The following SUSD5 variants were observed in gnomAD, a reference collection of about 807,000 sequenced individuals.
SUSD5 encodes the protein sushi domain-containing protein 5.
In SUSD5, 33 loss-of-function variants were observed where a neutral mutation model predicts 29.5. The ratio of observed to expected loss-of-function variants is 1.12; its 90% CI spans 0.85 to 1.49. The LOEUF (loss-of-function observed/expected upper bound fraction) is 1.49. SUSD5 is among the 40% of genes most tolerant of loss of function. SUSD5 has a pLI of 0.00. For synonymous variants in SUSD5, 308 were observed against 325.3 expected (o/e 0.95, Z 0.57); for missense variants, 776 against 800.6 (o/e 0.97, Z 0.37).
In SUSD5 at chr3:33,153,668, C is replaced by A; in HGVS notation, c.964G>T (p.Asp322Tyr). 6.2e-7 allele frequency: 1 copy of A among 1,614,038 alleles called. No homozygotes were observed. Among genetic ancestry groups the A allele is most frequent in the Non-Finnish European group, 8.5e-7 (1 of 1,179,894 alleles). ...DDTKKQFSAG[D>Y]NHSGVKLVPG... ...ACCAATTTTACACCACTGTGGTTGT[C>A]TCCAGCAGAAAACTGCTTTTTGGTG... The change falls in exon 5 of 5, where the codon GAC becomes TAC. Residue 322 changes from aspartate to tyrosine, a missense_variant. Coordinates refer to ENST00000309558, the MANE Select transcript of SUSD5 (RefSeq NM_015551.2).
In SUSD5 at chr3:33,152,625, C is replaced by G; in HGVS notation, c.*117G>C. 5 of 1,185,668 alleles carry G rather than the reference C, an allele frequency of 4.2e-6. No individual in the cohort carries two copies. The highest frequency in any genetic ancestry group is 5.8e-6 in the Non-Finnish European group (5 of 857,306). The allele number at this position is 1,185,668 out of a possible 1,614,324, so 73.4% of individuals were successfully genotyped here. ...ACTTCTCAGCCTATAAAACAAAGGG[C>G]TGAGGAAAAAATGATGAGCCTCAGT... On this transcript the variant is annotated 3_prime_UTR_variant, in exon 5 of 5. Transcript: ENST00000309558.
At chr3:33,166,749 C>T (rs375947700) in intron 4 of SUSD5, among the ~76,000 whole-genome samples, 320 of 152,314 alleles carry the variant, frequency 2.1e-3, no homozygotes, top group South Asian at 0.017. Context: ...ACAGTTTTTA[C>T]AAAGCTTGAT....
At chr3:33,159,493 G>A (rs776867750) in intron 4 of SUSD5, among the ~76,000 whole-genome samples, 10 of 151,984 alleles carry the variant, frequency 6.6e-5, no homozygotes, top group African/African-American at 1.5e-4. Flanking sequence ...CTGGCTGCCC[G>A]TCCCTCTGCT....
chr3:33,168,592 C>A, intron 4 of SUSD5: 1 of 985,410 alleles, frequency 1.0e-6, no homozygotes, highest in Non-Finnish European at 1.2e-6. Context: ...ATCTCAGGGC[C>A]CTGGAGGCAG....
rs2125617848 is a variant in SUSD5, at chr3:33,167,624, TCA to T, written c.598+7260_598+7261del. Among the ~76,000 whole-genome samples, 1 of 152,316 alleles carries T rather than the reference TCA, an allele frequency of 6.6e-6. No individual in the cohort carries two copies. Among genetic ancestry groups the T allele is most frequent in the Admixed American group, 6.5e-5 (1 of 15,306 alleles). Reference sequence around the variant, plus strand: ...GACTTAAAAACAGGTTGTCAGTATATCACAGTTTCCCCAAAACCTCAAATGAA... The same window carrying T: ...GACTTAAAAACAGGTTGTCAGTATATCAGTTTCCCCAAAACCTCAAATGAA... On this transcript the variant is annotated intron_variant, in intron 4 of 4. Transcript: ENST00000309558. This position sits in a 1 kb window ranked among gnomAD's most constrained non-coding sequence, Gnocchi z 4.1.
rs766455839 is a variant in SUSD5, at chr3:33,214,001, C to T, written c.217G>A (p.Glu73Lys). The T allele has an allele frequency of 1.8e-5, 29 of 1,613,736 alleles. No individual in the cohort carries two copies. Among genetic ancestry groups the T allele is most frequent in the East Asian group, 6.7e-5 (3 of 44,896 alleles). ...CAATCCTGTACCACTCTCCGCAGCT[C>T]GTCTGCAGATGCCAGGTGAGCGCCC... ...SRGAHLASAD[E>K]LRRVVQDCSF... is the part of the protein sequence containing the mutation. The change falls in exon 2 of 5, where the codon GAG (glutamate) becomes AAG (lysine). Residue 73 changes from glutamate to lysine, a missense_variant. By Grantham distance (56) the Glu-to-Lys change is moderately conservative (BLOSUM62 1). Transcript: ENST00000309558.
At chr3:33,160,303 TAAAC>T (rs918499717) in intron 4 of SUSD5, among the ~76,000 whole-genome samples, 13 of 148,450 alleles carry the variant, frequency 8.8e-5, no homozygotes, top group East Asian at 2.0e-4. Context: ...AACAAACAAA[TAAAC>T]AAACAAGTAA....
At chr3:33,210,915 T>C (rs2032311170) in intron 2 of SUSD5, among the ~76,000 whole-genome samples, 1 of 152,180 alleles carries the variant, frequency 6.6e-6, no homozygotes. Context: ...GCTCTGTTGC[T>C]CATGCTGGAG....
chr3:33,189,188 T>C (rs2031840267), intron 3 of SUSD5, among the ~76,000 whole-genome samples: 1 of 152,144 alleles, frequency 6.6e-6, no homozygotes, highest in African/African-American at 2.4e-5. Context: ...ATTTAAAAAA[T>C]ATTCTAGCCG....
intron 4 of SUSD5, among the ~76,000 whole-genome samples, chr3:33,163,192 T>C (rs1213141021): frequency 6.6e-6 from 1 of 152,062 alleles, no homozygotes; most frequent in African/African-American, 2.4e-5. Flanking sequence ...ATTTTATATA[T>C]ACAGTGTAAC....
rs1232561454 is a variant in SUSD5 at position 33,154,022 on chromosome 3, C to T, written c.610G>A (p.Ala204Thr). 2.5e-6 allele frequency: 4 copies of T among 1,587,254 alleles called. No homozygotes were observed. The highest frequency in any genetic ancestry group is 1.9e-5 in the Admixed American group (1 of 53,766). The stretch of plus-strand genomic sequence containing the variant: ...AAGTTATCTTCATAGTCAATGTGTG[C>T]CTCAGCCTCATCTGGAAGAAAAGAG... Reference protein sequence around the residue: ...VQACGKDEAEAHIDYEDNFPD... With the variant: ...VQACGKDEAETHIDYEDNFPD... Residue 204 changes from alanine to threonine, a missense_variant, in exon 5 of 5, where the codon GCA becomes ACA. Transcript: ENST00000309558.
At chr3:33,155,151 A>G (rs1284458296) in intron 4 of SUSD5, among the ~76,000 whole-genome samples, 2 of 152,250 alleles carry the variant, frequency 1.3e-5, no homozygotes, top group African/African-American at 4.8e-5. Flanking sequence ...TGCAAGGCAG[A>G]GTTAGAGAAG....
At chr3:33,179,974 AAAC>A (rs2031635505) in intron 3 of SUSD5, among the ~76,000 whole-genome samples, 1 of 152,248 alleles carries the variant, frequency 6.6e-6, no homozygotes, top group Non-Finnish European at 1.5e-5. Context: ...ATGCTGGTGT[AAAC>A]AAACCTGTTG....
chr3:33,209,030 G>A (rs1021048696), intron 2 of SUSD5, among the ~76,000 whole-genome samples: 3 of 152,056 alleles, frequency 2.0e-5, no homozygotes, highest in African/African-American at 7.2e-5. Context: ...CCTTTTGTCT[G>A]TCTGAAAACG....
intron 3 of SUSD5, among the ~76,000 whole-genome samples, chr3:33,206,773 T>C (rs1477028556): frequency 6.6e-6 from 1 of 152,182 alleles, no homozygotes; most frequent in East Asian, 1.9e-4. Flanking sequence ...TCAGGGGAGT[T>C]TGGGAAACAC....
chr3:33,197,443 T>C (rs1356040520), intron 3 of SUSD5, among the ~76,000 whole-genome samples: 3 of 152,220 alleles, frequency 2.0e-5, no homozygotes, highest in Non-Finnish European at 2.9e-5. Flanking sequence ...ATAATTTTTT[T>C]CTTGTTCTTT....
chr3:33,194,015 A>C (rs2031947712), intron 3 of SUSD5, among the ~76,000 whole-genome samples: 1 of 152,152 alleles, frequency 6.6e-6, no homozygotes, highest in Non-Finnish European at 1.5e-5. Context: ...CGCTCCTATG[A>C]ATAATATCAG....
rs77201526 is a variant in SUSD5, at chr3:33,195,302, T to C, written c.409+12506A>G. Among the ~76,000 whole-genome samples, 406 of 152,328 alleles carry C rather than the reference T, an allele frequency of 2.7e-3. 2 individuals are homozygous for C. The highest frequency in any genetic ancestry group is 9.2e-3 in the African/African-American group (384 of 41,582). Reference sequence around the variant, plus strand: ...CCCTCGTTTTTGAAATGCGAACTCTTTTCGCTTGTCCTATAATTCTTCTCT... The same window carrying C: ...CCCTCGTTTTTGAAATGCGAACTCTCTTCGCTTGTCCTATAATTCTTCTCT... On this transcript the variant is annotated intron_variant, in intron 3 of 4. Coordinates refer to ENST00000309558, the MANE Select transcript of SUSD5 (RefSeq NM_015551.2).
intron 4 of SUSD5, among the ~76,000 whole-genome samples, chr3:33,157,754 C>G (rs2031086152): frequency 6.6e-6 from 1 of 152,192 alleles, no homozygotes; most frequent in Admixed American, 6.5e-5. Context: ...GCCATGTGAA[C>G]AAACCTGGAT....
Sources: allele counts gnomAD v4.1 joint callset (sites outside exome capture counted in the v4.1 genomes callset), GRCh38; gene constraint gnomAD v4.1.1; non-coding constraint Gnocchi (gnomAD v3.1); transcripts MANE v1.5; gene names NCBI Gene and HGNC (gene_info 2026-07-23, HGNC 2026-07-21).